Variants in MYBPC3 observed in about 807,000 individuals in gnomAD.
MYBPC3 encodes the protein myosin binding protein C3, also known as myosin-binding protein C, cardiac-type.
A neutral mutation model predicts 159.3 loss-of-function variants in MYBPC3; 108 were observed. That is an observed-to-expected ratio of 0.68 (90% confidence interval 0.58 to 0.80). MYBPC3 has a LOEUF of 0.80. Ranked by LOEUF, MYBPC3 falls within the 30% of genes least tolerant of loss-of-function variation. MYBPC3 has a pLI of 0.00. For missense variants in MYBPC3, 1,631 were observed against 1,762.1 expected, an observed-to-expected ratio of 0.93 and a Z score of 1.33; for synonymous variants, 730 against 702.0, an observed-to-expected ratio of 1.04 and a Z score of -0.63.
chr11:47,342,970 C>T, intron 15 of MYBPC3, 35 bp from the exon 16 acceptor site: 1 of 1,612,150 alleles, frequency 6.2e-7, no homozygotes, highest in Non-Finnish European at 8.5e-7. Context: ...GGTTGGCTCC[C>T]CTGAGGCCAT....
In MYBPC3 at chr11:47,331,896, G is replaced by A. The variant is rs2095876675; in HGVS notation, c.3815-15C>T. On this transcript the variant is annotated splice_polypyrimidine_tract_variant and intron_variant, in intron 33 of 34. Transcript: ENST00000545968. Reference sequence around the variant, plus strand: ...TCACTGAGGCACTGCAGAAGAGGAGGCCATGTCACTGTGTCCTCCCAGCCT... The same window carrying A: ...TCACTGAGGCACTGCAGAAGAGGAGACCATGTCACTGTGTCCTCCCAGCCT... The A allele has an allele frequency of 6.2e-7, 1 of 1,609,952 alleles. No individual in the cohort carries two copies. Among genetic ancestry groups the A allele is most frequent in the Non-Finnish European group, 8.5e-7 (1 of 1,178,456 alleles).
rs2095880983 is a variant in MYBPC3, at chr11:47,335,111, C to T, written c.2836G>A (p.Ala946Thr). The T allele has an allele frequency of 1.9e-6, 3 of 1,611,962 alleles. No homozygotes were observed. Among genetic ancestry groups the T allele is most frequent in the Non-Finnish European group, 2.5e-6 (3 of 1,178,938 alleles). ...TGARLLFRVR[A>T]HNMAGPGAPV... is the part of the protein sequence containing the mutation. ...GCTCCAGGCCCTGCCATATTGTGTG[C>T]CCGCACTCGGAAAAGCAGCCGGGCC... Residue 946 changes from alanine to threonine, a missense_variant, in exon 27 of 35, where the codon GCA becomes ACA. Transcript: ENST00000545968.
rs1236569371 is a variant in MYBPC3 at position 47,347,305 on chromosome 11, A to T, written c.905+121T>A. 8.5e-6 allele frequency: 13 copies of T among 1,535,290 alleles called. No homozygotes were observed. The Admixed American group carries it at 2.6e-4, about 31-fold the overall frequency. On this transcript the variant is annotated intron_variant, in intron 9 of 34. Transcript: ENST00000545968. The stretch of plus-strand genomic sequence containing the variant: ...CACTGGGATCATCCCCTCGACAGAC[A>T]AGGAAACCAACTCAGAGAGGTGCAG...
In MYBPC3 at chr11:47,338,685, G is replaced by C. The variant is rs1265160496; in HGVS notation, c.2149-6C>G. Reference sequence around the variant, plus strand: ...CCCTCGGTCTCACACAGCAGCTGGGGGGGTGCAGAGTTGGGGTGAGATCCA... The same window carrying C: ...CCCTCGGTCTCACACAGCAGCTGGGCGGGTGCAGAGTTGGGGTGAGATCCA... On this transcript the variant is annotated splice_region_variant and splice_polypyrimidine_tract_variant and intron_variant, in intron 22 of 34. Coordinates refer to ENST00000545968, the MANE Select transcript of MYBPC3 (RefSeq NM_000256.3). The surrounding 1 kb of genome is among the most constrained non-coding windows in gnomAD (Gnocchi z 4.7). 1 of 1,606,744 alleles carries C rather than the reference G, an allele frequency of 6.2e-7. No homozygotes were observed. Among genetic ancestry groups the C allele is most frequent in the East Asian group, 2.2e-5 (1 of 44,698 alleles).
Position 47,349,862 on chromosome 11 carries a change from A to T in MYBPC3, c.566T>A (p.Val189Asp), listed in dbSNP as rs397516060. The change falls in exon 5 of 35, where the codon GTC (valine) becomes GAC (aspartate). Residue 189 changes from valine to aspartate, a missense_variant. Coordinates refer to ENST00000545968, the MANE Select transcript of MYBPC3 (RefSeq NM_000256.3). ...AGASLLKPPV[V>D]KWFKGKWVDL... ...CACCCATTTGCCCTTGAACCACTTG[A>T]CCACAGGCGGCTTCAGGAGGCTGGC... 1 of 1,612,508 alleles carries T rather than the reference A, an allele frequency of 6.2e-7. No homozygotes were observed.
Position 47,338,370 on chromosome 11 carries a change from G to T in MYBPC3, c.2308+150C>A. ...CTGCCTCCATCTCCCCCAGAGCGGG[G>T]CTCCTTTTGGGCAGAAAAACCTGTC... On this transcript the variant is annotated intron_variant, in intron 23 of 34. Transcript: ENST00000545968. This position sits in a 1 kb window ranked among gnomAD's most constrained non-coding sequence, Gnocchi z 4.7. 9.1e-7 allele frequency: 1 copy of T among 1,094,418 alleles called. No homozygotes were observed. The highest frequency in any genetic ancestry group is 1.3e-6 in the Non-Finnish European group (1 of 773,600). 67.8% of individuals were successfully genotyped at this position (1,094,418 alleles called of 1,614,324 possible).
Position 47,342,523 on chromosome 11 carries a change from G to A in MYBPC3, c.1624+55C>T, listed in dbSNP as rs577192369. The A allele has an allele frequency of 5.4e-6, 8 of 1,470,264 alleles. No individual in the cohort carries two copies. The African/African-American group carries it at 8.4e-5, about 15-fold the overall frequency. The allele number at this position is 1,470,264 out of a possible 1,614,324, so 91.1% of individuals were successfully genotyped here. ...GCTCCCCTACAGGGCTAGGTGGGGT[G>A]GGGGCTGAGGGGTCCAAGCCCTAAA... On this transcript the variant is annotated intron_variant, in intron 17 of 34. Transcript: ENST00000545968.
chr11:47,342,543 C>CCTA lies in MYBPC3; in HGVS notation c.1624+32_1624+34dup. ...GGGGTGGGGGCTGAGGGGTCCAAGC[C>CCTA]CTAAAGCCTCATGTGCCCCCCCAGC... is the stretch of plus-strand genomic sequence containing the variant. On this transcript the variant is annotated intron_variant, in intron 17 of 34. Coordinates refer to ENST00000545968, the MANE Select transcript of MYBPC3 (RefSeq NM_000256.3). 2.0e-6 allele frequency: 3 copies of CCTA among 1,530,032 alleles called. No individual in the cohort carries two copies. In the African/African-American group the frequency reaches 4.1e-5, roughly 21 times the overall value. 94.8% of individuals were successfully genotyped at this position (1,530,032 alleles called of 1,614,324 possible).
intron 5 of MYBPC3, 70 bp downstream of exon 5, chr11:47,349,704 G>A (rs1358809812): frequency 1.3e-6 from 2 of 1,539,580 alleles, no homozygotes; most frequent in Admixed American, 1.9e-5. Context: ...GGTGCCCTCT[G>A]TGTGCCTTGT....
rs373125671 is a variant in MYBPC3, at chr11:47,340,926, G to C, written c.1927+77C>G. ...ACTTTTGATCCTTGCTCTTCCCTCTGTGAGTGGAGGGGAGGCCTGCGTGGG... is the reference window on the plus strand; with the variant it reads ...ACTTTTGATCCTTGCTCTTCCCTCTCTGAGTGGAGGGGAGGCCTGCGTGGG... On this transcript the variant is annotated intron_variant, in intron 20 of 34. Transcript: ENST00000545968. 2.4e-5 allele frequency: 34 copies of C among 1,411,260 alleles called. No individual in the cohort carries two copies. In the African/African-American group the frequency reaches 4.5e-4, roughly 19 times the overall value. The allele number at this position is 1,411,260 out of a possible 1,614,324, so 87.4% of individuals were successfully genotyped here.
chr11:47,335,631 A>G lies in MYBPC3; in HGVS notation c.2737+246T>C, dbSNP rs963689445. The G allele has an allele frequency of 1.5e-5, 6 of 411,184 alleles. No homozygotes were observed. In the Admixed American group the frequency reaches 2.6e-4, roughly 18 times the overall value. 25.5% of individuals were successfully genotyped at this position (411,184 alleles called of 1,614,324 possible). A position where few individuals can be genotyped will look rare whatever the true frequency, so the allele number is the denominator to read the frequency against. Reference sequence around the variant, plus strand: ...CGTAAGCCATCGCGCCTGGCCTTAAATATGTTTTTAAAATGTAGTTGCTGA... The same window carrying G: ...CGTAAGCCATCGCGCCTGGCCTTAAGTATGTTTTTAAAATGTAGTTGCTGA... On this transcript the variant is annotated intron_variant, in intron 26 of 34. Coordinates refer to ENST00000545968, the MANE Select transcript of MYBPC3 (RefSeq NM_000256.3).
intron 18 of MYBPC3, among the ~76,000 whole-genome samples, chr11:47,341,692 T>A (rs2095888766): frequency 6.6e-6 from 1 of 152,244 alleles, no homozygotes; most frequent in Admixed American, 6.5e-5. Context: ...CTCTCCCTGC[T>A]GCCTCTTTGT....
In MYBPC3 at chr11:47,341,221, T is replaced by C. The variant is rs372371774; in HGVS notation, c.1814A>G (p.Asp605Gly). The C allele has an allele frequency of 3.3e-5, 53 of 1,593,244 alleles. No individual in the cohort carries two copies. The highest frequency in any genetic ancestry group is 4.5e-5 in the Non-Finnish European group (53 of 1,170,220). Residue 605 changes from aspartate (D) to glycine (G), a missense_variant, in exon 19 of 35, where the codon GAC becomes GGC. Physicochemically the swap from Asp to Gly is moderately conservative, Grantham distance 94. Coordinates refer to ENST00000545968, the MANE Select transcript of MYBPC3 (RefSeq NM_000256.3). The stretch of plus-strand genomic sequence containing the variant: ...GTCAGCCTCGTCGGCAGGTGTGACG[T>C]CGTCAATGGTCAGTTTGTGGACCCT... ...IGRVHKLTID[D>G]VTPADEADYS...
At position 47,348,555 on chromosome 11, in the gene MYBPC3, G is replaced by A; in HGVS notation, c.655-14C>T. The A allele has an allele frequency of 6.3e-7, 1 of 1,597,306 alleles. No individual in the cohort carries two copies. Among genetic ancestry groups the A allele is most frequent in the Non-Finnish European group, 8.6e-7 (1 of 1,168,890 alleles). On this transcript the variant is annotated splice_polypyrimidine_tract_variant and intron_variant, in intron 5 of 34. Coordinates refer to ENST00000545968, the MANE Select transcript of MYBPC3 (RefSeq NM_000256.3). ...GAACAGATAGACCTGTGTGCATGGA[G>A]GGACGGGGCGTCAGGGGACACCAGG...
intron 33 of MYBPC3, 59 bp from the exon 34 acceptor site, chr11:47,331,940 T>C: frequency 6.2e-7 from 1 of 1,601,366 alleles, no homozygotes; most frequent in Non-Finnish European, 8.5e-7. Context: ...CTATTGCCCA[T>C]CTGGGCGTGG....
Position 47,332,733 on chromosome 11 carries a change from G to T in MYBPC3, c.3491-31C>A. 6.3e-7 allele frequency: 1 copy of T among 1,590,390 alleles called. No individual in the cohort carries two copies. Among genetic ancestry groups the T allele is most frequent in the East Asian group, 2.3e-5 (1 of 43,666 alleles). ...GGTGACAGGACTTGGTACCGAGAGG[G>T]CCACACAAAGCTAGGCCCCTCTCCC... is the stretch of plus-strand genomic sequence containing the variant. On this transcript the variant is annotated intron_variant, in intron 31 of 34. Transcript: ENST00000545968. The surrounding 1 kb of genome is among the most constrained non-coding windows in gnomAD (Gnocchi z 4.2).
rs961007973 is a variant in MYBPC3, at chr11:47,339,732, T to C, written c.1986A>G (p.Val662=). Reference sequence around the variant, plus strand: ...CGTCCAGACGTAGCTTATTTCCAGCTACAACCACAATGGTGTCTGGTATGC... The same window carrying C: ...CGTCCAGACGTAGCTTATTTCCAGCCACAACCACAATGGTGTCTGGTATGC... ...PGRIPDTIVV[V]AGNKLRLDVP... The change falls in exon 21 of 35, where the codon GTA becomes GTG. Residue 662 remains valine, a synonymous_variant. Coordinates refer to ENST00000545968, the MANE Select transcript of MYBPC3 (RefSeq NM_000256.3). 5 of 1,613,796 alleles carry C rather than the reference T, an allele frequency of 3.1e-6. No homozygotes were observed. Among genetic ancestry groups the C allele is most frequent in the Non-Finnish European group, 4.2e-6 (5 of 1,179,826 alleles).
Position 47,346,431 on chromosome 11 carries a change from C to T in MYBPC3, c.927-61G>A, listed in dbSNP as rs11570065. On this transcript the variant is annotated intron_variant, in intron 11 of 34. Transcript: ENST00000545968. This position sits in a 1 kb window ranked among gnomAD's most constrained non-coding sequence, Gnocchi z 5.3. ...GACTGCAGCCCCCTGGGCGGGGCTT[C>T]CTGGGCCCAGGACCAAGGAGCTGTA... 3.4e-6 allele frequency: 5 copies of T among 1,491,388 alleles called. No homozygotes were observed. In the South Asian group the frequency reaches 4.0e-5, roughly 12 times the overall value. The allele number at this position is 1,491,388 out of a possible 1,614,324, so 92.4% of individuals were successfully genotyped here.
rs774316050 is a variant in MYBPC3 at position 47,348,485 on chromosome 11, G to C, written c.711C>G (p.Tyr237Ter). The stretch of plus-strand genomic sequence containing the variant: ...TGTCCTTGGTGGACACCTCACAGCG[G>C]TAGCTGCCAGTGAAGGCAGGCTGGG... ...TDAQPAFTGS[Y>*]RCEVSTKDKF... The change falls in exon 6 of 35, where the codon TAC becomes TAG. Residue 237 changes from tyrosine (Y) to a stop codon, truncating the protein, a stop_gained. Transcript: ENST00000545968. LOFTEE classifies it high-confidence loss of function. The C allele has an allele frequency of 1.9e-6, 3 of 1,613,500 alleles. No homozygotes were observed. The South Asian group carries it at 3.3e-5, about 18-fold the overall frequency.
Sources: gnomAD v4.1 joint callset for allele counts (sites outside exome capture counted in the v4.1 genomes callset) on GRCh38, gnomAD v4.1.1 for gene constraint, Gnocchi (gnomAD v3.1) non-coding constraint, MANE v1.5 for transcripts, NCBI Gene and HGNC (gene_info 2026-07-23, HGNC 2026-07-21) for gene names.